The following GORASP2 variants were observed in gnomAD, a reference collection of about 807,000 sequenced individuals.
The protein encoded by GORASP2 is Golgi reassembly-stacking protein 2.
In GORASP2, 22 loss-of-function variants were observed where a neutral mutation model predicts 45.7. The ratio of observed to expected loss-of-function variants is 0.48; its 90% confidence interval spans 0.34 to 0.69. GORASP2 has a LOEUF of 0.69. Ranked by LOEUF, GORASP2 falls within the 30% of genes least tolerant of loss-of-function variation. GORASP2 has a pLI of 0.01. For synonymous variants in GORASP2, 221 were observed against 215.6 expected (o/e 1.02, Z -0.22); for missense variants, 491 against 562.7 (o/e 0.87, Z 1.29).
At chr2:170,953,587 C>T (rs1704351997) in intron 5 of GORASP2, among the ~76,000 whole-genome samples, 1 of 152,138 alleles carries the variant, frequency 6.6e-6, no homozygotes, top group Admixed American at 6.5e-5. Flanking sequence ...ATACCACGGT[C>T]AGGACTTCCG....
chr2:170,956,560 G>T lies in GORASP2; in HGVS notation c.823+1G>T. On this transcript the variant is annotated splice_donor_variant, in intron 7 of 9. Transcript: ENST00000234160. LOFTEE classifies it high-confidence loss of function. The stretch of plus-strand genomic sequence containing the variant: ...GCTGTCAGTAGTGTTCTCAGTACAG[G>T]TGTGCAGAAAAATATATTCTGTTTT... The T allele has an allele frequency of 6.3e-7, 1 of 1,595,712 alleles. No individual in the cohort carries two copies. The highest frequency in any genetic ancestry group is 8.5e-7 in the Non-Finnish European group (1 of 1,174,608).
Position 170,951,614 on chromosome 2 carries a change from T to C in GORASP2, c.566+156T>C, listed in dbSNP as rs1575475684. On this transcript the variant is annotated intron_variant, in intron 5 of 9. Coordinates refer to ENST00000234160, the MANE Select transcript of GORASP2 (RefSeq NM_015530.5). ...AGCTAGTCTAGAATATTGAAACCAATTTTTTTAAAGTACATATCTAGGGAA... is the reference window on the plus strand; with the variant it reads ...AGCTAGTCTAGAATATTGAAACCAACTTTTTTAAAGTACATATCTAGGGAA... 3 of 578,782 alleles carry C rather than the reference T, an allele frequency of 5.2e-6. No individual in the cohort carries two copies. The East Asian group carries it at 9.3e-5, about 18-fold the overall frequency. 35.9% of individuals were successfully genotyped at this position (578,782 alleles called of 1,614,324 possible).
chr2:170,966,873 A>C lies in GORASP2; in HGVS notation c.*743A>C, dbSNP rs1485541042. The C allele has an allele frequency of 1.3e-5, 2 of 152,510 alleles. No individual in the cohort carries two copies. The highest frequency in any genetic ancestry group is 2.9e-5 in the Non-Finnish European group (2 of 68,116). 9.4% of individuals were successfully genotyped at this position (152,510 alleles called of 1,614,324 possible). On this transcript the variant is annotated 3_prime_UTR_variant, in exon 10 of 10. Transcript: ENST00000234160. ...TGTGGCTCCTTGTAGTATTATAGCT[A>C]TACTGGGAAAGCATAGATACAGCAA...
Position 170,963,097 on chromosome 2 carries a change from C to G in GORASP2, c.1018+151C>G, listed in dbSNP as rs1439985287. On this transcript the variant is annotated intron_variant, in intron 9 of 9. Transcript: ENST00000234160. ...ATATTCATCTTTTTTGTTTAAAAAG[C>G]TTAAGAGGATCACGCCTGTAATCCC... 11 of 626,546 alleles carry G rather than the reference C, an allele frequency of 1.8e-5. No individual in the cohort carries two copies. In the East Asian group the frequency reaches 3.2e-4, roughly 18 times the overall value. The allele number at this position is 626,546 out of a possible 1,614,324, so 38.8% of individuals were successfully genotyped here. A position where few individuals can be genotyped will look rare whatever the true frequency, so the allele number is the denominator to read the frequency against.
intron 7 of GORASP2, among the ~76,000 whole-genome samples, chr2:170,958,105 G>A (rs1008944444): frequency 1.3e-5 from 2 of 152,104 alleles, no homozygotes; most frequent in Non-Finnish European, 2.9e-5. Flanking sequence ...TGGTCTCCTA[G>A]GTTCTCATCC....
At chr2:170,944,624 A>C (rs534442061) in intron 1 of GORASP2, among the ~76,000 whole-genome samples, 1 of 152,202 alleles carries the variant, frequency 6.6e-6, no homozygotes, top group Non-Finnish European at 1.5e-5. Context: ...TATACTCTAA[A>C]GTTTATACTT....
At chr2:170,942,413 A>C (rs780190480) in intron 1 of GORASP2, among the ~76,000 whole-genome samples, 1 of 152,072 alleles carries the variant, frequency 6.6e-6, no homozygotes, top group Non-Finnish European at 1.5e-5. Context: ...CATAACAACT[A>C]ATCTGCTTTC....
In GORASP2 at chr2:170,958,966, G is replaced by C. The variant is rs545486630; in HGVS notation, c.823+2407G>C. Among the ~76,000 whole-genome samples the C allele has an allele frequency of 2.2e-3, 335 of 151,784 alleles. 6 individuals carry two copies. The highest frequency in any genetic ancestry group is 4.5e-3 in the East Asian group (23 of 5,152). On this transcript the variant is annotated intron_variant, in intron 7 of 9. Transcript: ENST00000234160. ...ATTACAGGCGTGAGCCACTGTGCCC[G>C]GCCCTTTTTTTGAGGCAGAGTTTCA...
chr2:170,944,477 T>C (rs904097142), intron 1 of GORASP2, among the ~76,000 whole-genome samples: 24 of 152,142 alleles, frequency 1.6e-4, no homozygotes, highest in African/African-American at 5.6e-4. Flanking sequence ...TAGTAACAAA[T>C]GAAATAGAAA....
intron 3 of GORASP2, 94 bp from the exon 4 acceptor site, chr2:170,950,109 AT>A (rs1388327311): frequency 1.2e-5 from 8 of 655,118 alleles, no homozygotes; most frequent in Non-Finnish European, 2.1e-5. Context: ...AAGTATACAG[AT>A]TTAAAAAATC....
At chr2:170,928,974 A>C, upstream of GORASP2, 1 of 203,648 alleles carries the variant, frequency 4.9e-6, no homozygotes, top group Non-Finnish European at 9.8e-6. Flanking sequence ...GCGAGCGGGA[A>C]CGCGTCTGCA....
chr2:170,933,395 C>T (rs1703872956), intron 1 of GORASP2, among the ~76,000 whole-genome samples: 1 of 152,058 alleles, frequency 6.6e-6, no homozygotes, highest in Non-Finnish European at 1.5e-5. Flanking sequence ...ATTAATTATC[C>T]AGTGAACCCA....
chr2:170,935,687 CT>C (rs1268207824), intron 1 of GORASP2, among the ~76,000 whole-genome samples: 3 of 151,744 alleles, frequency 2.0e-5, no homozygotes, highest in Admixed American at 6.6e-5. Flanking sequence ...ATCCTCCCCC[CT>C]CTCAGCCTCC....
chr2:170,959,242 A>C lies in GORASP2; in HGVS notation c.824-2421A>C, dbSNP rs545782132. ...CTCCCAAAGTGCTGGGATTACAGGCATGAGCCATCGTGCCCGGCCCCAGAT... is the reference window on the plus strand; with the variant it reads ...CTCCCAAAGTGCTGGGATTACAGGCCTGAGCCATCGTGCCCGGCCCCAGAT... On this transcript the variant is annotated intron_variant, in intron 7 of 9. Transcript: ENST00000234160. Among the ~76,000 whole-genome samples the C allele has an allele frequency of 3.3e-5, 5 of 151,302 alleles. No individual in the cohort carries two copies. In the South Asian group the frequency reaches 1.0e-3, roughly 32 times the overall value.
chr2:170,936,255 C>T (rs1037858046), intron 1 of GORASP2, among the ~76,000 whole-genome samples: 31 of 114,516 alleles, frequency 2.7e-4, no homozygotes, highest in African/African-American at 8.3e-4. Flanking sequence ...GAAGCAGGGT[C>T]GCACTCTGTC....
At position 170,966,491 on chromosome 2, in the gene GORASP2, T is replaced by G. The variant is rs1704690612; in HGVS notation, c.*361T>G. On this transcript the variant is annotated 3_prime_UTR_variant, in exon 10 of 10. Transcript: ENST00000234160. ...GCTCCTTCCGTAAGAAAATGAAATA[T>G]TCTATGCCTAATACTCACACGCAAC... The G allele has an allele frequency of 3.0e-6, 1 of 330,662 alleles. No homozygotes were observed. The highest frequency in any genetic ancestry group is 4.8e-5 in the Admixed American group (1 of 21,016). 20.5% of individuals were successfully genotyped at this position (330,662 alleles called of 1,614,324 possible).
chr2:170,947,498 C>A, intron 1 of GORASP2, among the ~76,000 whole-genome samples: 1 of 152,192 alleles, frequency 6.6e-6, no homozygotes, highest in East Asian at 1.9e-4. Flanking sequence ...ATTAATCTTT[C>A]CCTTAGAACC....
chr2:170,963,473 C>CCCTCCT (rs947340628), intron 9 of GORASP2, among the ~76,000 whole-genome samples: 3,597 of 127,546 alleles, frequency 0.028, 96 homozygotes, highest in Non-Finnish European at 0.045. Flanking sequence ...CTCCTCCTCC[C>CCCTCCT]CCTCCTCCTC....
intron 1 of GORASP2, among the ~76,000 whole-genome samples, chr2:170,942,838 GT>G (rs1440945159): frequency 6.6e-6 from 1 of 152,156 alleles, no homozygotes; most frequent in Non-Finnish European, 1.5e-5. Flanking sequence ...ATGTATGAGT[GT>G]TCCATTTTCT....
Sources: gnomAD v4.1 joint callset for allele counts (sites outside exome capture counted in the v4.1 genomes callset) on GRCh38, gnomAD v4.1.1 for gene constraint, MANE v1.5 for transcripts, NCBI Gene and HGNC (gene_info 2026-07-23, HGNC 2026-07-21) for gene names.